The following TIAM1 variants were observed in gnomAD, a reference collection of about 807,000 sequenced individuals.
TIAM1 encodes the protein TIAM Rac1 associated GEF 1.
A neutral mutation model predicts 163.5 loss-of-function variants in TIAM1; 65 were observed. The ratio of observed to expected loss-of-function variants is 0.40; its 90% CI spans 0.33 to 0.49. The LOEUF (loss-of-function observed/expected upper bound fraction) is 0.49. Among genes scored for constraint, TIAM1 ranks in the 20% least tolerant of loss-of-function variants. The pLI is 0.77. For missense variants in TIAM1, 1,789 were observed against 2,044.7 expected (o/e 0.87, Z 2.41); for synonymous variants, 833 against 810.1 (o/e 1.03, Z -0.48).
chr21:31,217,589 G>C lies in TIAM1; in HGVS notation c.2106C>G (p.Thr702=), dbSNP rs143071943. The C allele has an allele frequency of 1.2e-6, 2 of 1,613,714 alleles. No homozygotes were observed. Among genetic ancestry groups the C allele is most frequent in the African/African-American group, 2.7e-5 (2 of 74,886 alleles). The part of the protein sequence containing the change: ...RFSSLWGLDT[T]SKKKQGRPSI... ...TTGGCCGTCCCTGCTTCTTTTTGGA[G>C]GTAGTATCCAGACCCCACAGAGAAG... The change falls in exon 9 of 28, where the codon ACC becomes ACG. Residue 702 remains threonine, a synonymous_variant. Coordinates refer to ENST00000541036, the MANE Select transcript of TIAM1 (RefSeq NM_001353694.2).
intron 2 of TIAM1, among the ~76,000 whole-genome samples, chr21:31,373,296 C>A (rs904327298): frequency 3.3e-5 from 5 of 152,010 alleles, no homozygotes; most frequent in Non-Finnish European, 5.9e-5. Context: ...TCATAAAATT[C>A]CTTTCTTTTG....
chr21:31,394,704 TCTCG>T (rs2077025575), intron 2 of TIAM1, among the ~76,000 whole-genome samples: 11 of 93,552 alleles, frequency 1.2e-4, no homozygotes, highest in African/African-American at 5.2e-4. Flanking sequence ...TCTCTCTCTC[TCTCG>T]CTCTCTCTCT....
chr21:31,287,921 C>T (rs2073873928), intron 2 of TIAM1, among the ~76,000 whole-genome samples: 2 of 151,918 alleles, frequency 1.3e-5, no homozygotes, highest in Non-Finnish European at 2.9e-5. Flanking sequence ...TGGGATGGCC[C>T]AACGGGGACA....
intron 2 of TIAM1, among the ~76,000 whole-genome samples, chr21:31,292,371 C>CAT (rs1230222290): frequency 7.2e-6 from 1 of 138,836 alleles, no homozygotes; most frequent in Non-Finnish European, 1.6e-5. Context: ...TTTCAATTTC[C>CAT]TTTTTTTTTT....
chr21:31,213,160 C>T (rs2086976837), intron 10 of TIAM1: 3 of 429,552 alleles, frequency 7.0e-6, no homozygotes, highest in Non-Finnish European at 1.2e-5. Context: ...GAAACTCACA[C>T]ATCAAATGGT....
At chr21:31,235,288 G>GA (rs146030724) in intron 6 of TIAM1, among the ~76,000 whole-genome samples, 5,770 of 151,138 alleles carry the variant, frequency 0.038, 370 homozygotes, top group African/African-American at 0.13. Flanking sequence ...ATTAACTACA[G>GA]AAAAAAAAAT....
intron 2 of TIAM1, among the ~76,000 whole-genome samples, chr21:31,317,305 T>C (rs1316423939): frequency 6.6e-6 from 1 of 150,484 alleles, no homozygotes; most frequent in Non-Finnish European, 1.5e-5. Context: ...AAATACAAAA[T>C]TAGCCGGGCG....
chr21:31,300,049 G>GAAGGTGACTGGATC (rs2074442144), intron 2 of TIAM1, among the ~76,000 whole-genome samples: 1 of 152,176 alleles, frequency 6.6e-6, no homozygotes, highest in East Asian at 1.9e-4. Context: ...GGGGCCTGGT[G>GAAGGTGACTGGATC]AAGGTGACTG....
intron 5 of TIAM1, among the ~76,000 whole-genome samples, chr21:31,250,151 G>GACAAAA (rs1555905155): frequency 1.7e-5 from 1 of 58,866 alleles, no homozygotes; most frequent in African/African-American, 5.6e-5. Flanking sequence ...GTCTCAAACA[G>GACAAAA]AAAAAAAAAA....
At chr21:31,527,855 GA>G (rs1174366143) in intron 1 of TIAM1, among the ~76,000 whole-genome samples, 2 of 152,076 alleles carry the variant, frequency 1.3e-5, no homozygotes, top group African/African-American at 4.8e-5. Flanking sequence ...TGAGTCCCCT[GA>G]TCAAGCCCAT....
At chr21:31,380,359 C>A (rs2076757354) in intron 2 of TIAM1, among the ~76,000 whole-genome samples, 1 of 152,156 alleles carries the variant, frequency 6.6e-6, no homozygotes, top group Non-Finnish European at 1.5e-5. Context: ...GCCTGTCCAA[C>A]ATGGTGAAAC....
chr21:31,176,350 G>A (rs535652885), intron 15 of TIAM1, among the ~76,000 whole-genome samples: 2 of 152,232 alleles, frequency 1.3e-5, no homozygotes, highest in South Asian at 4.1e-4. Flanking sequence ...AACAGCCACT[G>A]AAGGAACTAT....
chr21:31,507,644 G>C (rs1026796767), intron 1 of TIAM1, among the ~76,000 whole-genome samples: 1 of 152,132 alleles, frequency 6.6e-6, no homozygotes, highest in Admixed American at 6.5e-5. Context: ...CCTGGGATAC[G>C]ATCAATCATG....
chr21:31,366,506 G>A (rs1231886790), intron 2 of TIAM1, among the ~76,000 whole-genome samples: 1 of 152,148 alleles, frequency 6.6e-6, no homozygotes, highest in African/African-American at 2.4e-5. Context: ...CATCCATCAG[G>A]AGAAAGCTCA....
rs193149275 is a variant in TIAM1 at position 31,400,288 on chromosome 21, G to A, written c.-368-60866C>T. Among the ~76,000 whole-genome samples, 56 of 151,866 alleles carry A rather than the reference G, an allele frequency of 3.7e-4. 1 individual carries two copies. Among genetic ancestry groups the A allele is most frequent in the African/African-American group, 1.2e-3 (50 of 41,454 alleles). Reference sequence around the variant, plus strand: ...ACTACAGGCACCCACCACCACACCCGGCAAATTATTTTTGTATTTTTAGTA... The same window carrying A: ...ACTACAGGCACCCACCACCACACCCAGCAAATTATTTTTGTATTTTTAGTA... On this transcript the variant is annotated intron_variant, in intron 2 of 28. Coordinates refer to the TIAM1 transcript ENST00000286827.
chr21:31,436,225 C>G (rs1471815423), intron 2 of TIAM1, among the ~76,000 whole-genome samples: 2 of 152,162 alleles, frequency 1.3e-5, no homozygotes, highest in African/African-American at 2.4e-5. Context: ...CCCCCAAGGA[C>G]AAGCACCACG....
chr21:31,531,558 G>A (rs990258146), intron 1 of TIAM1, among the ~76,000 whole-genome samples: 4 of 152,084 alleles, frequency 2.6e-5, no homozygotes, highest in African/African-American at 9.7e-5. Context: ...GAAAAAAGAA[G>A]AGGAAGAAAC....
At chr21:31,343,052 C>T (rs891137051) in intron 1 of TIAM1, among the ~76,000 whole-genome samples, 1 of 152,218 alleles carries the variant, frequency 6.6e-6, no homozygotes, top group Non-Finnish European at 1.5e-5. Flanking sequence ...GCTATAAATA[C>T]AACAGGAGCC....
intron 15 of TIAM1, among the ~76,000 whole-genome samples, chr21:31,169,032 C>T (rs745393642): frequency 2.4e-4 from 37 of 152,244 alleles, no homozygotes; most frequent in South Asian, 1.0e-3. Flanking sequence ...GTGGCTCATG[C>T]CTGTAATCCC....
Sources: allele counts gnomAD v4.1 joint callset (sites outside exome capture counted in the v4.1 genomes callset), GRCh38; gene constraint gnomAD v4.1.1; transcripts MANE v1.5; gene names NCBI Gene and HGNC (gene_info 2026-07-23, HGNC 2026-07-21).